SWAP70: variants seen among roughly 807,000 people sequenced by gnomAD.
SWAP70 encodes switching B cell complex subunit SWAP70, also known as switch-associated protein 70.
SWAP70 carries 34 observed loss-of-function variants against 80.2 expected under a neutral mutation model. That is an observed-to-expected ratio of 0.42 (90% CI 0.32 to 0.56). The LOEUF is 0.56. SWAP70 is among the 20% of genes least tolerant of loss of function. SWAP70 has a pLI of 0.09. For missense variants in SWAP70, 578 were observed against 690.7 expected (o/e 0.84, Z 1.83); for synonymous variants, 239 against 238.5 (o/e 1.00, Z -0.02).
intron 6 of SWAP70, 59 bp downstream of exon 6, chr11:9,729,510 T>G (rs1452120865): frequency 1.1e-4 from 142 of 1,325,336 alleles, no homozygotes; most frequent in Non-Finnish European, 1.4e-4. Context: ...CTTTCTTTTT[T>G]TTTTCTGAGA....
At chr11:9,729,545 C>A in intron 6 of SWAP70, 94 bp downstream of exon 6, 2 of 885,684 alleles carry the variant, frequency 2.3e-6, no homozygotes, top group Non-Finnish European at 3.6e-6. Context: ...GTTGCCCGGG[C>A]TGTAGTGCAG....
chr11:9,678,099 G>T (rs1850523190), intron 1 of SWAP70, among the ~76,000 whole-genome samples: 1 of 152,198 alleles, frequency 6.6e-6, no homozygotes, highest in African/African-American at 2.4e-5. Flanking sequence ...TACAAATGTA[G>T]TTAATTCTTT....
At position 9,732,708 on chromosome 11, in the gene SWAP70, A is replaced by T; in HGVS notation, c.1078A>T (p.Lys360Ter). The T allele has an allele frequency of 6.5e-7, 1 of 1,546,486 alleles. No individual in the cohort carries two copies. Among genetic ancestry groups the T allele is most frequent in the Non-Finnish European group, 8.7e-7 (1 of 1,145,926 alleles). ...GCAGCAGGAGCTGGAGGCCGTGCGGAAGGTGGGAATGGGCGCTGGGCTGGG... is the reference window on the plus strand; with the variant it reads ...GCAGCAGGAGCTGGAGGCCGTGCGGTAGGTGGGAATGGGCGCTGGGCTGGG... ...SKQQELEAVR[K>*]KLEEAASRAA... The change falls in exon 7 of 12, where the codon AAG becomes TAG. Residue 360 changes from lysine (K) to a stop codon, truncating the protein, a stop_gained and splice_region_variant. Coordinates refer to ENST00000318950, the MANE Select transcript of SWAP70 (RefSeq NM_015055.4). LOFTEE classifies it high-confidence loss of function.
chr11:9,669,565 G>C (rs192356324), intron 1 of SWAP70, among the ~76,000 whole-genome samples: 1 of 152,102 alleles, frequency 6.6e-6, no homozygotes, highest in East Asian at 1.9e-4. Flanking sequence ...ATTGATTGCT[G>C]TTATCCCTAG....
intron 7 of SWAP70, among the ~76,000 whole-genome samples, chr11:9,737,894 CAAATAAAT>C (rs551367108): frequency 6.6e-6 from 1 of 152,040 alleles, no homozygotes; most frequent in Non-Finnish European, 1.5e-5. Flanking sequence ...GACTCAGTCT[CAAATAAAT>C]AAATAAATAA....
chr11:9,713,850 T>C (rs1435462), intron 3 of SWAP70, among the ~76,000 whole-genome samples: 49,618 of 152,028 alleles, frequency 0.33, 8,344 homozygotes, highest in Non-Finnish European at 0.35. Flanking sequence ...GAAAGTGGGT[T>C]TCTTCTTCTC....
intron 3 of SWAP70, among the ~76,000 whole-genome samples, chr11:9,717,224 A>G (rs1483812522): frequency 1.3e-5 from 2 of 152,226 alleles, no homozygotes; most frequent in Non-Finnish European, 2.9e-5. Context: ...TTTTTGTCCA[A>G]GGAAATTGTC....
At chr11:9,726,903 G>C in intron 4 of SWAP70, 1 of 456,280 alleles carries the variant, frequency 2.2e-6, no homozygotes, top group Non-Finnish European at 4.4e-6. Flanking sequence ...GTATTTTCCT[G>C]TTGGTCTGGG....
rs778695374 is a variant in SWAP70 at position 9,724,706 on chromosome 11, C to T, written c.463C>T (p.Gln155Ter). Reference protein sequence around the residue: ...KLTEAMGGGWQQEQFEHYKIN... With the variant: ...KLTEAMGGGW ...TACAGAAGCTATGGGAGGAGGTTGGCAGCAAGAACAATTTGAACATTATAA... is the reference window on the plus strand; with the variant it reads ...TACAGAAGCTATGGGAGGAGGTTGGTAGCAAGAACAATTTGAACATTATAA... Residue 155 changes from glutamine to a stop codon, truncating the protein, a stop_gained, in exon 4 of 12, where the codon CAG becomes TAG. Coordinates refer to ENST00000318950, the MANE Select transcript of SWAP70 (RefSeq NM_015055.4). LOFTEE classifies it high-confidence loss of function. 6.2e-7 allele frequency: 1 copy of T among 1,613,838 alleles called. No individual in the cohort carries two copies. Among genetic ancestry groups the T allele is most frequent in the East Asian group, 2.2e-5 (1 of 44,866 alleles).
chr11:9,749,831 A>G (rs749131808), intron 11 of SWAP70, 33 bp from the exon 12 acceptor site: 8 of 1,353,556 alleles, frequency 5.9e-6, no homozygotes, highest in Non-Finnish European at 8.5e-6. Flanking sequence ...AGAATATAAT[A>G]CTTCCTGTAT....
chr11:9,729,550 G>C, intron 6 of SWAP70, 99 bp downstream of exon 6: 6 of 822,572 alleles, frequency 7.3e-6, no homozygotes, highest in Non-Finnish European at 1.2e-5. Context: ...CCGGGCTGTA[G>C]TGCAGTGGTG....
At chr11:9,726,278 A>G (rs1851224879) in intron 4 of SWAP70, among the ~76,000 whole-genome samples, 1 of 152,160 alleles carries the variant, frequency 6.6e-6, no homozygotes. Context: ...TGTTAAATAC[A>G]ATTTATATTT....
At chr11:9,738,976 C>T (rs1008802105) in intron 8 of SWAP70, among the ~76,000 whole-genome samples, 5 of 152,340 alleles carry the variant, frequency 3.3e-5, no homozygotes, top group Admixed American at 3.3e-4. Context: ...TTATTAATAA[C>T]ATTCCTTTTC....
chr11:9,743,087 C>G (rs1177035150), intron 9 of SWAP70, among the ~76,000 whole-genome samples: 1 of 128,754 alleles, frequency 7.8e-6, no homozygotes, highest in Non-Finnish European at 1.6e-5. Context: ...GTGTGATGTT[C>G]CCCTTCCTGT....
intron 2 of SWAP70, among the ~76,000 whole-genome samples, chr11:9,698,381 G>A (rs2572952): frequency 0.12 from 17,665 of 151,624 alleles, 2,113 homozygotes; most frequent in African/African-American, 0.3. Context: ...GATTACGGGC[G>A]TGAGCCACTG....
chr11:9,738,110 G>A (rs1851386573), intron 7 of SWAP70, 103 bp from the exon 8 acceptor site: 1 of 649,008 alleles, frequency 1.5e-6, no homozygotes, highest in Non-Finnish European at 2.5e-6. Context: ...TGAATGTTAA[G>A]AATGTTTGGC....
intron 1 of SWAP70, among the ~76,000 whole-genome samples, chr11:9,666,215 A>G (rs1279765672): frequency 6.6e-6 from 1 of 151,120 alleles, no homozygotes; most frequent in African/African-American, 2.4e-5. Context: ...CCTCCCAAGT[A>G]GCTGGGATTG....
chr11:9,683,957 G>A (rs947339305), intron 1 of SWAP70, among the ~76,000 whole-genome samples: 3 of 152,038 alleles, frequency 2.0e-5, no homozygotes, highest in Non-Finnish European at 2.9e-5. Flanking sequence ...TTGGTGAGAA[G>A]GTGGGGCAGC....
chr11:9,750,026 T>C lies in SWAP70; in HGVS notation c.*56T>C, dbSNP rs755316178. ...TAGATACTGCATGGCAGGAGAGCTT[T>C]ACGCTAAAGACAAAAGAAACAGCTT... On this transcript the variant is annotated 3_prime_UTR_variant, in exon 12 of 12. Coordinates refer to ENST00000318950, the MANE Select transcript of SWAP70 (RefSeq NM_015055.4). 4.8e-5 allele frequency: 60 copies of C among 1,260,076 alleles called. No homozygotes were observed. Among genetic ancestry groups the C allele is most frequent in the Non-Finnish European group, 6.3e-5 (55 of 866,350 alleles). 78.1% of individuals were successfully genotyped at this position (1,260,076 alleles called of 1,614,324 possible). A position where few individuals can be genotyped will look rare whatever the true frequency, so the allele number is the denominator to read the frequency against.
Sources: gnomAD v4.1 joint callset for allele counts (sites outside exome capture counted in the v4.1 genomes callset) on GRCh38, gnomAD v4.1.1 for gene constraint, MANE v1.5 for transcripts, NCBI Gene and HGNC (gene_info 2026-07-23, HGNC 2026-07-21) for gene names.